CNTNAP5: variants seen among roughly 807,000 people sequenced by gnomAD.
CNTNAP5 encodes the protein contactin-associated protein-like 5.
CNTNAP5 carries 72 observed loss-of-function variants against 150.2 expected under a neutral mutation model. The ratio of observed to expected loss-of-function variants is 0.48; its 90% CI spans 0.40 to 0.58. The LOEUF (loss-of-function observed/expected upper bound fraction) is 0.58, where lower values mean the gene tolerates loss of function less well. Among genes scored for constraint, CNTNAP5 ranks in the 20% least tolerant of loss-of-function variants. The pLI, the probability that CNTNAP5 is intolerant of heterozygous loss-of-function variation, is 0.00. For missense variants in CNTNAP5, 1,636 were observed against 1,626.2 expected (o/e 1.01, Z -0.10); for synonymous variants, 672 against 619.8 (o/e 1.08, Z -1.25).
At chr2:124,230,630 C>T (rs2104752170) in intron 2 of CNTNAP5, among the ~76,000 whole-genome samples, 1 of 151,898 alleles carries the variant, frequency 6.6e-6, no homozygotes, top group Middle Eastern at 3.4e-3. Flanking sequence ...CTCCCAGGTT[C>T]AAGCAATTCT....
intron 2 of CNTNAP5, among the ~76,000 whole-genome samples, chr2:124,238,645 A>G (rs1303149775): frequency 6.6e-6 from 1 of 152,196 alleles, no homozygotes; most frequent in African/African-American, 2.4e-5. Flanking sequence ...TTTTGTAGTT[A>G]ATAGCCATTG....
chr2:124,399,105 T>C (rs1691339637), intron 3 of CNTNAP5, among the ~76,000 whole-genome samples: 1 of 152,214 alleles, frequency 6.6e-6, no homozygotes, highest in African/African-American at 2.4e-5. Context: ...ATTCTTCTTG[T>C]GTTCCTTTTA....
intron 1 of CNTNAP5, among the ~76,000 whole-genome samples, chr2:124,065,547 G>T (rs1019953641): frequency 7.9e-5 from 12 of 152,160 alleles, no homozygotes; most frequent in Admixed American, 7.2e-4. Context: ...GCTCTACCAA[G>T]TTCAAGCATC....
chr2:124,448,752 T>A (rs1574001564), intron 6 of CNTNAP5, among the ~76,000 whole-genome samples: 1 of 152,210 alleles, frequency 6.6e-6, no homozygotes, highest in East Asian at 1.9e-4. Context: ...AGACTCTAAG[T>A]GCTACAGATA....
At chr2:124,626,782 G>A (rs1412820724) in intron 12 of CNTNAP5, among the ~76,000 whole-genome samples, 1 of 152,122 alleles carries the variant, frequency 6.6e-6, no homozygotes, top group Non-Finnish European at 1.5e-5. Flanking sequence ...CCACTTCCAT[G>A]GGCCCAGCAA....
intron 1 of CNTNAP5, among the ~76,000 whole-genome samples, chr2:124,033,707 A>G (rs1681126999): frequency 6.6e-6 from 1 of 152,146 alleles, no homozygotes; most frequent in Non-Finnish European, 1.5e-5. Context: ...GGAACCTGGG[A>G]AGGCCCCTTG....
At chr2:124,322,399 G>C (rs1689123088) in intron 3 of CNTNAP5, among the ~76,000 whole-genome samples, 1 of 151,980 alleles carries the variant, frequency 6.6e-6, no homozygotes. Flanking sequence ...CCAAGTGTTA[G>C]TTTGTTACAT....
At position 124,700,407 on chromosome 2, in the gene CNTNAP5, C is replaced by T. The variant is rs1355403577; in HGVS notation, c.2078-46822C>T. On this transcript the variant is annotated intron_variant, in intron 13 of 23. Transcript: ENST00000682447. Reference sequence around the variant, plus strand: ...GGAATGGCTGGATCATATGGTAATTCTATGTTTACATTTTTAAGAATCACC... The same window carrying T: ...GGAATGGCTGGATCATATGGTAATTTTATGTTTACATTTTTAAGAATCACC... Among the ~76,000 whole-genome samples the T allele has an allele frequency of 3.3e-5, 5 of 151,578 alleles. No homozygotes were observed. In the East Asian group the frequency reaches 9.7e-4, roughly 29 times the overall value.
chr2:124,800,107 G>T (rs1363655009), intron 19 of CNTNAP5, among the ~76,000 whole-genome samples: 1 of 152,192 alleles, frequency 6.6e-6, no homozygotes, highest in Non-Finnish European at 1.5e-5. Flanking sequence ...TGCCAACGAG[G>T]TAATCTATGG....
chr2:124,186,817 C>A (rs1685343893), intron 1 of CNTNAP5, among the ~76,000 whole-genome samples: 1 of 152,224 alleles, frequency 6.6e-6, no homozygotes, highest in Admixed American at 6.5e-5. Flanking sequence ...CATTTCACTT[C>A]TTTGCCTTCC....
chr2:124,807,356 A>T (rs1273895321), intron 19 of CNTNAP5, among the ~76,000 whole-genome samples: 1 of 152,204 alleles, frequency 6.6e-6, no homozygotes, highest in Non-Finnish European at 1.5e-5. Context: ...TCCAGCCTTA[A>T]GAATCCAGTT....
intron 3 of CNTNAP5, among the ~76,000 whole-genome samples, chr2:124,372,639 T>A (rs1286330426): frequency 6.6e-6 from 1 of 152,040 alleles, no homozygotes; most frequent in Non-Finnish European, 1.5e-5. Context: ...TGCAAAGAAG[T>A]TAAGTTCCTG....
At chr2:124,428,179 C>T (rs1005832695) in intron 4 of CNTNAP5, among the ~76,000 whole-genome samples, 1 of 152,132 alleles carries the variant, frequency 6.6e-6, no homozygotes, top group African/African-American at 2.4e-5. Flanking sequence ...TCTCCTATTC[C>T]CACCACACCC....
At chr2:124,603,745 G>T (rs1455052473) in intron 11 of CNTNAP5, among the ~76,000 whole-genome samples, 1 of 152,044 alleles carries the variant, frequency 6.6e-6, no homozygotes, top group Non-Finnish European at 1.5e-5. Context: ...AGAGAGACAA[G>T]ATAGATGCTA....
Position 124,764,138 on chromosome 2 carries a change from G to T in CNTNAP5, c.2524G>T (p.Glu842Ter), listed in dbSNP as rs576933313. The change falls in exon 16 of 24, where the codon GAA (glutamate) becomes TAA (stop). Residue 842 changes from glutamate to a stop codon, truncating the protein, a stop_gained. Coordinates refer to ENST00000682447, the MANE Select transcript of CNTNAP5 (RefSeq NM_001367498.1). LOFTEE classifies it high-confidence loss of function. ...TGGCATTAAAGACTTCATTCGACTC[G>T]AAATAAGCTGTAAGTGCCCTCAATT... is the stretch of plus-strand genomic sequence containing the variant. ...NLGIKDFIRL[E>*]ISSPSEITFA... 6.2e-7 allele frequency: 1 copy of T among 1,611,690 alleles called. No individual in the cohort carries two copies. Among genetic ancestry groups the T allele is most frequent in the Non-Finnish European group, 8.5e-7 (1 of 1,178,288 alleles).
chr2:124,405,524 G>A (rs567488285), intron 3 of CNTNAP5, among the ~76,000 whole-genome samples: 110 of 152,138 alleles, frequency 7.2e-4, no homozygotes, highest in Non-Finnish European at 1.3e-3. Context: ...CTATAATCTA[G>A]TCTCAACTTC....
chr2:124,727,880 G>T (rs1680191787), intron 13 of CNTNAP5, among the ~76,000 whole-genome samples: 1 of 137,088 alleles, frequency 7.3e-6, no homozygotes, highest in South Asian at 2.3e-4. Flanking sequence ...TCCTTTCCTT[G>T]TTCCTAATCT....
intron 7 of CNTNAP5, among the ~76,000 whole-genome samples, chr2:124,497,644 C>A (rs1453537229): frequency 1.3e-5 from 2 of 152,164 alleles, no homozygotes; most frequent in Non-Finnish European, 2.9e-5. Context: ...CTGATAGGTA[C>A]TTGTTCTAGC....
At chr2:124,448,287 TAA>T (rs1692877849) in intron 6 of CNTNAP5, among the ~76,000 whole-genome samples, 1 of 149,790 alleles carries the variant, frequency 6.7e-6, no homozygotes, top group Admixed American at 6.7e-5. Context: ...ATAATAATAA[TAA>T]TAATAATAAT....
Sources: gnomAD v4.1 joint callset for allele counts (sites outside exome capture counted in the v4.1 genomes callset) on GRCh38, gnomAD v4.1.1 for gene constraint, MANE v1.5 for transcripts, NCBI Gene and HGNC (gene_info 2026-07-23, HGNC 2026-07-21) for gene names.